The following SCMH1 variants were observed in gnomAD, a reference collection of about 807,000 sequenced individuals.
SCMH1 encodes the protein Scm polycomb group protein homolog 1.
A neutral mutation model predicts 70.8 loss-of-function variants in SCMH1; 37 were observed. The ratio of observed to expected loss-of-function variants is 0.52; its 90% CI spans 0.40 to 0.69. The LOEUF is 0.69. Among genes scored for constraint, SCMH1 ranks in the 30% least tolerant of loss-of-function variants. SCMH1 has a pLI of 0.00. For synonymous variants in SCMH1, 292 were observed against 307.4 expected (o/e 0.95, Z 0.52); for missense variants, 607 against 827.3 (o/e 0.73, Z 3.27).
At chr1:41,053,248 A>T (rs1288938745) in intron 10 of SCMH1, among the ~76,000 whole-genome samples, 1 of 152,064 alleles carries the variant, frequency 6.6e-6, no homozygotes, top group South Asian at 2.1e-4. Context: ...TAAAATACAC[A>T]AAAAGGAAAT....
chr1:41,186,646 C>T (rs1650289219), intron 1 of SCMH1, among the ~76,000 whole-genome samples: 1 of 152,082 alleles, frequency 6.6e-6, no homozygotes, highest in African/African-American at 2.4e-5. Context: ...CATTTGGAGA[C>T]AGGGCATTTA....
chr1:41,129,469 C>T (rs952541436), intron 6 of SCMH1, among the ~76,000 whole-genome samples: 4 of 152,186 alleles, frequency 2.6e-5, no homozygotes, highest in Non-Finnish European at 5.9e-5. Context: ...GCTTTTATAA[C>T]TGGCTTATTT....
intron 9 of SCMH1, among the ~76,000 whole-genome samples, chr1:41,072,007 T>C (rs955936808): frequency 1.3e-5 from 2 of 152,080 alleles, no homozygotes; most frequent in Non-Finnish European, 2.9e-5. Context: ...ATCACAGAGA[T>C]CCAAAAATCC....
At chr1:41,220,550 A>T (rs1288037339) in intron 1 of SCMH1, among the ~76,000 whole-genome samples, 1 of 152,182 alleles carries the variant, frequency 6.6e-6, no homozygotes, top group Non-Finnish European at 1.5e-5. Context: ...AGCTATCTCT[A>T]TCTCAAAAAC....
rs373028198 is a variant in SCMH1, at chr1:41,115,557, T to C, written c.501+1365A>G. Among the ~76,000 whole-genome samples, 25 of 152,228 alleles carry C rather than the reference T, an allele frequency of 1.6e-4. No individual in the cohort carries two copies. In the East Asian group the frequency reaches 4.4e-3, roughly 27 times the overall value. ...GGCTTAAGCGATTCTTCCACCTCGG[T>C]CTCCCAAGTAGCTGCGACTACAGGC... On this transcript the variant is annotated intron_variant, in intron 7 of 14. Transcript: ENST00000337495.
chr1:41,112,496 T>C (rs1669491694), intron 8 of SCMH1, among the ~76,000 whole-genome samples: 2 of 152,174 alleles, frequency 1.3e-5, no homozygotes, highest in Non-Finnish European at 2.9e-5. Flanking sequence ...TCTGTGACAC[T>C]ATTCTAGTAC....
At chr1:41,209,465 C>T (rs1225514985) in intron 1 of SCMH1, among the ~76,000 whole-genome samples, 2 of 152,220 alleles carry the variant, frequency 1.3e-5, no homozygotes, top group Non-Finnish European at 2.9e-5. Context: ...CAAAAACCAT[C>T]AATAAAATAC....
intron 12 of SCMH1, chr1:41,043,750 T>A (rs1646540906): frequency 6.6e-6 from 1 of 152,070 alleles, no homozygotes; most frequent in Non-Finnish European, 1.5e-5. Context: ...TTTTTATTTA[T>A]GTTAAATTTC....
chr1:41,063,318 A>G (rs973941967), intron 10 of SCMH1, among the ~76,000 whole-genome samples: 6 of 151,866 alleles, frequency 4.0e-5, no homozygotes, highest in Non-Finnish European at 8.8e-5. Flanking sequence ...CTAAAAATAT[A>G]AAAAATTAGC....
At chr1:41,146,463 G>C (rs1190648861) in intron 5 of SCMH1, among the ~76,000 whole-genome samples, 2 of 152,084 alleles carry the variant, frequency 1.3e-5, no homozygotes, top group Non-Finnish European at 2.9e-5. Flanking sequence ...GACTCACCCA[G>C]AGCAATTTCC....
In SCMH1 at chr1:41,181,579, C is replaced by T. The variant is rs538046314; in HGVS notation, c.13+4542G>A. 7.3e-3 allele frequency among the ~76,000 whole-genome samples: 1,106 copies of T among 152,242 alleles called. 17 individuals carry two copies. Among genetic ancestry groups the T allele is most frequent in the African/African-American group, 0.025 (1,047 of 41,546 alleles). On this transcript the variant is annotated intron_variant, in intron 2 of 14. Coordinates refer to ENST00000337495, the Ensembl canonical transcript of SCMH1. ...TTCTCAAAAGAAGACATTTATGCAG[C>T]CAACAGACACATGAAGAAATGCTCA...
chr1:41,122,502 T>A (rs930622201), intron 6 of SCMH1, among the ~76,000 whole-genome samples: 3 of 152,212 alleles, frequency 2.0e-5, no homozygotes, highest in African/African-American at 7.2e-5. Context: ...CCAACTAGAA[T>A]ACAAAATCCT....
intron 6 of SCMH1, among the ~76,000 whole-genome samples, chr1:41,127,121 G>A (rs1367322436): frequency 6.6e-6 from 1 of 152,102 alleles, no homozygotes; most frequent in African/African-American, 2.4e-5. Flanking sequence ...TGAGTGGTGT[G>A]AATTTTCATA....
intron 1 of SCMH1, among the ~76,000 whole-genome samples, chr1:41,241,255 C>T (rs563883580): frequency 6.6e-6 from 1 of 152,348 alleles, no homozygotes; most frequent in South Asian, 2.1e-4. Flanking sequence ...AAATTCTCTT[C>T]CAGTCAGGAG....
rs753032777 is a variant in SCMH1, at chr1:41,089,783, G to GTC, written c.746-14334_746-14333dup. On this transcript the variant is annotated intron_variant, in intron 8 of 14. Coordinates refer to ENST00000337495, the Ensembl canonical transcript of SCMH1. ...TTGATTATTCCACTCTAACCATGTT[G>GTC]TCTCTTTTTTTTTTTTTTTTTTTTT... Among the ~76,000 whole-genome samples, 352 of 50,826 alleles carry GTC rather than the reference G, an allele frequency of 6.9e-3. 4 individuals carry two copies. The highest frequency in any genetic ancestry group is 8.8e-3 in the African/African-American group (90 of 10,250). The allele number at this position is 50,826 out of a possible 152,430, so 33.3% of individuals were successfully genotyped here.
At chr1:41,101,938 ACAC>A (rs1666739316) in intron 8 of SCMH1, among the ~76,000 whole-genome samples, 1 of 152,240 alleles carries the variant, frequency 6.6e-6, no homozygotes. Flanking sequence ...AATGAATAAA[ACAC>A]TAGTGTATAC....
At chr1:41,078,425 A>T (rs1659018705) in intron 8 of SCMH1, among the ~76,000 whole-genome samples, 1 of 152,156 alleles carries the variant, frequency 6.6e-6, no homozygotes, top group Admixed American at 6.6e-5. Flanking sequence ...ATAGCAGGAA[A>T]AATACAAAGA....
At chr1:41,034,180 C>G (rs1644955655) in intron 13 of SCMH1, 132 bp from the exon 14 acceptor site, 1 of 1,298,728 alleles carries the variant, frequency 7.7e-7, no homozygotes, top group Non-Finnish European at 1.0e-6. Context: ...AGAATCAGCG[C>G]TCAGCTCTGC....
chr1:41,086,831 T>G (rs1054441097), intron 8 of SCMH1, among the ~76,000 whole-genome samples: 1 of 148,756 alleles, frequency 6.7e-6, no homozygotes, highest in Admixed American at 6.7e-5. Flanking sequence ...AGCTCAGGAG[T>G]TGGAGACCAG....
Sources: gnomAD v4.1 joint callset for allele counts (sites outside exome capture counted in the v4.1 genomes callset) on GRCh38, gnomAD v4.1.1 for gene constraint, MANE v1.5 for transcripts, NCBI Gene and HGNC (gene_info 2026-07-23, HGNC 2026-07-21) for gene names.